Variants in AGBL4 observed in about 807,000 individuals in gnomAD.
The protein encoded by AGBL4 is AGBL carboxypeptidase 4.
In AGBL4, 58 loss-of-function variants were observed where a neutral mutation model predicts 66.4. The ratio of observed to expected loss-of-function variants is 0.87; its 90% CI spans 0.71 to 1.09. The LOEUF (loss-of-function observed/expected upper bound fraction) is 1.09, where lower values mean the gene tolerates loss of function less well. Among genes scored for constraint, AGBL4 ranks in the 50% least tolerant of loss-of-function variants. The pLI, the probability that AGBL4 is intolerant of heterozygous loss-of-function variation, is 0.00. For synonymous variants in AGBL4, 234 were observed against 222.9 expected (o/e 1.05, Z -0.44); for missense variants, 579 against 631.0 (o/e 0.92, Z 0.88).
chr1:49,688,725 C>T (rs1004486187), intron 3 of AGBL4, among the ~76,000 whole-genome samples: 2 of 152,170 alleles, frequency 1.3e-5, no homozygotes, highest in East Asian at 1.9e-4. Context: ...TCCATATCCT[C>T]GCCAGCATTT....
At chr1:48,544,823 T>A (rs1171168410) in intron 11 of AGBL4, among the ~76,000 whole-genome samples, 4 of 152,170 alleles carry the variant, frequency 2.6e-5, no homozygotes, top group South Asian at 2.1e-4. Flanking sequence ...ATTGTCTGAC[T>A]GCAACACACC....
intron 3 of AGBL4, among the ~76,000 whole-genome samples, chr1:49,372,974 G>GT (rs1234537562): frequency 6.6e-6 from 1 of 151,976 alleles, no homozygotes; most frequent in East Asian, 1.9e-4. Context: ...GCCTAGGCTG[G>GT]TTTTGAACTC....
intron 11 of AGBL4, among the ~76,000 whole-genome samples, chr1:48,569,470 A>G (rs1182356337): frequency 1.3e-5 from 2 of 152,228 alleles, no homozygotes; most frequent in African/African-American, 4.8e-5. Context: ...TCTGGATTCC[A>G]GCCTGGTTTC....
chr1:49,585,317 A>G (rs75701058), intron 3 of AGBL4, among the ~76,000 whole-genome samples: 4,194 of 152,132 alleles, frequency 0.028, 162 homozygotes, highest in African/African-American at 0.096. Context: ...ATTCTAAACA[A>G]CTCTACCCTG....
chr1:48,664,049 A>G (rs1646148110), intron 6 of AGBL4, among the ~76,000 whole-genome samples: 2 of 152,220 alleles, frequency 1.3e-5, no homozygotes, highest in South Asian at 4.1e-4. Flanking sequence ...CAATGAGAGA[A>G]GGAAAACAAA....
intron 6 of AGBL4, among the ~76,000 whole-genome samples, chr1:48,802,268 T>C (rs1289746131): frequency 6.6e-6 from 1 of 152,196 alleles, no homozygotes; most frequent in Non-Finnish European, 1.5e-5. Flanking sequence ...TGGCTAAGTC[T>C]TTCTTAACCT....
intron 3 of AGBL4, among the ~76,000 whole-genome samples, chr1:49,387,271 G>A (rs527352693): frequency 6.6e-6 from 1 of 151,874 alleles, no homozygotes; most frequent in East Asian, 1.9e-4. Context: ...AGCTTTACAT[G>A]CAAAAATGAG....
At chr1:49,813,438 A>G (rs1220101091) in intron 2 of AGBL4, among the ~76,000 whole-genome samples, 1 of 151,838 alleles carries the variant, frequency 6.6e-6, no homozygotes. Flanking sequence ...AACAGTCTCT[A>G]CTCCAATACC....
At chr1:48,625,492 G>A (rs1430945443) in intron 9 of AGBL4, among the ~76,000 whole-genome samples, 2 of 152,150 alleles carry the variant, frequency 1.3e-5, no homozygotes, top group African/African-American at 4.8e-5. Flanking sequence ...GGGAGCTGCG[G>A]CTGGGGGACA....
At chr1:48,679,938 C>T (rs1646428530) in intron 6 of AGBL4, among the ~76,000 whole-genome samples, 1 of 152,230 alleles carries the variant, frequency 6.6e-6, no homozygotes, top group Non-Finnish European at 1.5e-5. Flanking sequence ...TGTGCTATAC[C>T]TCTCCTGTGC....
At chr1:49,388,950 G>A (rs989490117) in intron 3 of AGBL4, among the ~76,000 whole-genome samples, 2 of 152,110 alleles carry the variant, frequency 1.3e-5, no homozygotes, top group African/African-American at 4.8e-5. Context: ...AGAGGTTTTC[G>A]AAAGGCAATT....
At chr1:48,834,824 C>T (rs1466060011) in intron 6 of AGBL4, among the ~76,000 whole-genome samples, 1 of 152,168 alleles carries the variant, frequency 6.6e-6, no homozygotes, top group Non-Finnish European at 1.5e-5. Flanking sequence ...TGACCTTTGT[C>T]ATCATTGAAC....
intron 2 of AGBL4, among the ~76,000 whole-genome samples, chr1:49,824,603 G>A (rs563939137): frequency 6.6e-6 from 1 of 152,200 alleles, no homozygotes; most frequent in East Asian, 1.9e-4. Flanking sequence ...TTCAGAGAAG[G>A]CTTCCTGGTT....
chr1:49,122,703 A>C (rs1264239071), intron 4 of AGBL4, among the ~76,000 whole-genome samples: 3 of 152,310 alleles, frequency 2.0e-5, no homozygotes, highest in Admixed American at 6.5e-5. Flanking sequence ...CAGCTCTCTG[A>C]GCCCCAGTTT....
chr1:49,408,917 T>C (rs1645259845), intron 3 of AGBL4, among the ~76,000 whole-genome samples: 1 of 152,242 alleles, frequency 6.6e-6, no homozygotes, highest in Non-Finnish European at 1.5e-5. Flanking sequence ...TCTGTCCTAT[T>C]AGTCCTGTCC....
chr1:48,962,964 A>C (rs951919444), intron 5 of AGBL4, among the ~76,000 whole-genome samples: 1 of 151,292 alleles, frequency 6.6e-6, no homozygotes, highest in Non-Finnish European at 1.5e-5. Flanking sequence ...TGTTTAAAAC[A>C]CTATCTGGCA....
chr1:49,922,286 G>T (rs775186048), intron 1 of AGBL4, among the ~76,000 whole-genome samples: 1 of 152,034 alleles, frequency 6.6e-6, no homozygotes, highest in Non-Finnish European at 1.5e-5. Context: ...AATAAACTAG[G>T]TATTGAAGGA....
intron 7 of AGBL4, among the ~76,000 whole-genome samples, chr1:48,661,721 G>T (rs574994460): frequency 1.3e-5 from 2 of 152,330 alleles, no homozygotes; most frequent in East Asian, 3.9e-4. Flanking sequence ...ACTGCCCACA[G>T]GGGAGGTGAG....
At chr1:49,129,286 G>GA (rs972488814) in intron 4 of AGBL4, among the ~76,000 whole-genome samples, 1 of 113,360 alleles carries the variant, frequency 8.8e-6, no homozygotes, top group Non-Finnish European at 2.3e-5. Context: ...GACTGTTTTT[G>GA]TTTTTTTTGT....
Sources: allele counts gnomAD v4.1 joint callset (sites outside exome capture counted in the v4.1 genomes callset), GRCh38; gene constraint gnomAD v4.1.1; transcripts MANE v1.5; gene names NCBI Gene and HGNC (gene_info 2026-07-23, HGNC 2026-07-21).